MTFMT: variants seen among roughly 807,000 people sequenced by gnomAD.
The protein encoded by MTFMT is mitochondrial methionyl-tRNA formyltransferase.
In MTFMT, 47 loss-of-function variants were observed where a neutral mutation model predicts 51.8. The ratio of observed to expected loss-of-function variants is 0.91; its 90% CI spans 0.72 to 1.16. The LOEUF is 1.16. Ranked by LOEUF, MTFMT falls within the 50% of genes most tolerant of loss-of-function variation. The pLI is 0.00. For synonymous variants in MTFMT, 196 were observed against 176.7 expected, an observed-to-expected ratio of 1.11 and a Z score of -0.87; for missense variants, 512 against 482.3, an observed-to-expected ratio of 1.06 and a Z score of -0.58.
chr15:65,016,541 C>A lies in MTFMT; in HGVS notation c.722-14G>T, dbSNP rs1435269377. 1.3e-6 allele frequency: 2 copies of A among 1,573,996 alleles called. No homozygotes were observed. Among genetic ancestry groups the A allele is most frequent in the Non-Finnish European group, 1.7e-6 (2 of 1,144,746 alleles). ...AAATCTTAGGGGCTACAAGATAAAA[C>A]CAAGAGCAAAAATGAACATCAGGGT... is the stretch of plus-strand genomic sequence containing the variant. On this transcript the variant is annotated splice_polypyrimidine_tract_variant and intron_variant, in intron 5 of 8. Coordinates refer to ENST00000220058, the MANE Select transcript of MTFMT (RefSeq NM_139242.4).
intron 3 of MTFMT, among the ~76,000 whole-genome samples, chr15:65,022,710 T>A (rs2086384440): frequency 6.6e-6 from 1 of 151,034 alleles, no homozygotes; most frequent in Non-Finnish European, 1.5e-5. Context: ...TTCAGATTTT[T>A]TTTTTTTTTT....
At chr15:65,015,125 T>C (rs6494509) in intron 6 of MTFMT, among the ~76,000 whole-genome samples, 62,892 of 151,706 alleles carry the variant, frequency 0.41, 13,537 homozygotes, top group South Asian at 0.62. Flanking sequence ...GCTGTAAATA[T>C]ATTATACCAG....
Position 65,004,947 on chromosome 15 carries a change from GA to G in MTFMT, c.893-12del, listed in dbSNP as rs751153427. ...CCGTTAATTTTGGATCTGAAGAATG[GA>G]AAAAAGAAAAGATATACAAGAGAAA... On this transcript the variant is annotated splice_polypyrimidine_tract_variant and intron_variant, in intron 7 of 8. Transcript: ENST00000220058. The G allele has an allele frequency of 6.3e-7, 1 of 1,586,856 alleles. No homozygotes were observed. Among genetic ancestry groups the G allele is most frequent in the Non-Finnish European group, 8.6e-7 (1 of 1,156,822 alleles).
intron 6 of MTFMT, among the ~76,000 whole-genome samples, chr15:65,011,824 G>A (rs779503982): frequency 6.6e-6 from 1 of 151,912 alleles, no homozygotes; most frequent in Non-Finnish European, 1.5e-5. Context: ...TGTTGATAGT[G>A]TCCTTTGAAG....
chr15:65,016,202 C>T (rs969854227), intron 6 of MTFMT: 1 of 283,532 alleles, frequency 3.5e-6, no homozygotes, highest in African/African-American at 2.2e-5. Context: ...TGTGAAACTG[C>T]AATATACATA....
rs2086187148 is a variant in MTFMT, at chr15:65,002,841, T to A, written c.*221A>T. On this transcript the variant is annotated 3_prime_UTR_variant, in exon 9 of 9. Transcript: ENST00000220058. ...AGCTGCGTGTGGTGGCGTGTGCCTG[T>A]AATCCCAGCTACTCAGGAGGCTGAG... The A allele has an allele frequency of 3.5e-6, 1 of 285,696 alleles. No individual in the cohort carries two copies. 17.7% of individuals were successfully genotyped at this position (285,696 alleles called of 1,614,324 possible).
At chr15:65,020,376 TC>T in intron 4 of MTFMT, 104 bp from the exon 5 acceptor site, 1 of 981,444 alleles carries the variant, frequency 1.0e-6, no homozygotes, top group Admixed American at 2.8e-5. Flanking sequence ...TAACTTTTTT[TC>T]TTTTTCTTTT....
At chr15:65,025,036 T>C (rs539848313) in intron 2 of MTFMT, among the ~76,000 whole-genome samples, 84 of 152,218 alleles carry the variant, frequency 5.5e-4, no homozygotes, top group African/African-American at 2.0e-3. Context: ...TGGCCTTTTA[T>C]TGAGTAAGAC....
At chr15:65,006,064 T>G (rs2140474024) in intron 7 of MTFMT, 49 bp downstream of exon 7, 1 of 1,322,154 alleles carries the variant, frequency 7.6e-7, no homozygotes, top group East Asian at 2.3e-5. Context: ...TATTTCCAGA[T>G]ACACTACAGT....
Position 65,023,728 on chromosome 15 carries a change from T to C in MTFMT, c.486A>G (p.Thr162=), listed in dbSNP as rs755802585. Residue 162 remains threonine (T), a synonymous_variant, in exon 3 of 9, where the codon ACA becomes ACG. Coordinates refer to ENST00000220058, the MANE Select transcript of MTFMT (RefSeq NM_139242.4). ...RWRGPAPVIH[T]VLHGDTVTGV... is the part of the protein sequence containing the mutation. ...CAGTAACTGTGTCTCCGTGAAGCAC[T>C]GTATGGATTACAGGGGCTGGGCCAC... 3.1e-6 allele frequency: 5 copies of C among 1,613,742 alleles called. No homozygotes were observed. Among genetic ancestry groups the C allele is most frequent in the Admixed American group, 3.3e-5 (2 of 60,012 alleles).
chr15:65,006,007 AAACT>A, intron 7 of MTFMT, 102 bp downstream of exon 7: 1 of 720,326 alleles, frequency 1.4e-6, no homozygotes, highest in Non-Finnish European at 2.3e-6. Context: ...GAACTGAAAC[AAACT>A]AAAAGTTATT....
At chr15:65,003,399 C>T (rs907873205) in intron 8 of MTFMT, 143 bp from the exon 9 acceptor site, 3 of 634,742 alleles carry the variant, frequency 4.7e-6, no homozygotes, top group Admixed American at 2.8e-5. Context: ...CAGCACTACA[C>T]TAAGTAACAT....
At chr15:65,004,159 G>C (rs2086202842) in intron 8 of MTFMT, among the ~76,000 whole-genome samples, 1 of 151,994 alleles carries the variant, frequency 6.6e-6, no homozygotes, top group African/African-American at 2.4e-5. Flanking sequence ...TGGGATTACA[G>C]GCGTCTGCCA....
intron 6 of MTFMT, among the ~76,000 whole-genome samples, chr15:65,013,781 T>C (rs1447136711): frequency 6.6e-6 from 1 of 151,618 alleles, no homozygotes; most frequent in Non-Finnish European, 1.5e-5. Context: ...CCATCTCTAC[T>C]AAAAATACAA....
In MTFMT at chr15:65,004,923, C is replaced by T. The variant is rs34636936; in HGVS notation, c.906G>A (p.Thr302=). Residue 302 remains threonine (T), a synonymous_variant, in exon 8 of 9, where the codon ACG becomes ACA. Transcript: ENST00000220058. The stretch of plus-strand genomic sequence containing the variant: ...CTGATCCTGGAATAAGAGCCTGTCC[C>T]GTTAATTTTGGATCTGAAGAATGGA... ...NSSVLADPKL[T]GQALIPGSVI... is the part of the protein sequence containing the mutation. 29,383 of 1,609,894 alleles carry T rather than the reference C, an allele frequency of 0.018. 313 individuals carry two copies. The highest frequency in any genetic ancestry group is 0.02 in the Non-Finnish European group (23,186 of 1,176,780).
At chr15:65,018,470 A>G (rs1307323388) in intron 5 of MTFMT, among the ~76,000 whole-genome samples, 3 of 152,232 alleles carry the variant, frequency 2.0e-5, no homozygotes, top group Non-Finnish European at 1.5e-5. Context: ...ATAAATTTGA[A>G]TCATAAACAA....
At chr15:65,023,414 C>T (rs1377902714) in intron 3 of MTFMT, among the ~76,000 whole-genome samples, 9 of 151,896 alleles carry the variant, frequency 5.9e-5, no homozygotes, top group Non-Finnish European at 7.4e-5. Context: ...TATAGAAATC[C>T]GAGTATTAAT....
intron 8 of MTFMT, 115 bp downstream of exon 8, chr15:65,004,739 C>T: frequency 1.4e-5 from 8 of 568,646 alleles, no homozygotes; most frequent in Non-Finnish European, 2.3e-5. Flanking sequence ...TAAATGATCT[C>T]CTGACCCAAT....
At position 65,028,010 on chromosome 15, in the gene MTFMT, G is replaced by A. The variant is rs571868795; in HGVS notation, c.210-970C>T. ...GCATAGCATTCTAGTACCCAGGGGG[G>A]TACATTTATTAAACAGGTATTGTAT... On this transcript the variant is annotated intron_variant, in intron 1 of 8. Coordinates refer to ENST00000220058, the MANE Select transcript of MTFMT (RefSeq NM_139242.4). Among the ~76,000 whole-genome samples, 4 of 152,264 alleles carry A rather than the reference G, an allele frequency of 2.6e-5. No homozygotes were observed. The South Asian group carries it at 8.3e-4, about 32-fold the overall frequency.
Sources: allele counts gnomAD v4.1 joint callset (sites outside exome capture counted in the v4.1 genomes callset), GRCh38; gene constraint gnomAD v4.1.1; transcripts MANE v1.5; gene names NCBI Gene and HGNC (gene_info 2026-07-23, HGNC 2026-07-21).